APLP2: variants seen among roughly 807,000 people sequenced by gnomAD.
APLP2 encodes amyloid beta precursor like protein 2.
A neutral mutation model predicts 89.9 loss-of-function variants in APLP2; 53 were observed. The observed-to-expected ratio is 0.59, with a 90% confidence interval of 0.47 to 0.74. APLP2 has a LOEUF of 0.74. APLP2 is among the 30% of genes least tolerant of loss of function. APLP2 has a pLI of 0.00. For missense variants in APLP2, 973 were observed against 975.9 expected (o/e 1.00, Z 0.04); for synonymous variants, 372 against 348.6 (o/e 1.07, Z -0.75).
intron 10 of APLP2, among the ~76,000 whole-genome samples, 187 bp from the exon 11 acceptor site, chr11:130,129,851 A>G (rs1772728312): frequency 1.3e-5 from 2 of 152,210 alleles, no homozygotes; most frequent in Admixed American, 6.5e-5. Context: ...TTTGGAACTT[A>G]GTTTTGCTAT....
intron 1 of APLP2, among the ~76,000 whole-genome samples, chr11:130,097,990 T>C (rs1020225834): frequency 6.6e-6 from 1 of 152,236 alleles, no homozygotes; most frequent in African/African-American, 2.4e-5. Context: ...TAGACCTTTC[T>C]TAGGTTTCTC....
intron 3 of APLP2, among the ~76,000 whole-genome samples, chr11:130,112,009 G>A (rs917683267): frequency 1.2e-4 from 18 of 152,090 alleles, no homozygotes; most frequent in African/African-American, 3.9e-4. Context: ...ATCTGAGTGG[G>A]ACCTGGGAGA....
At chr11:130,096,721 A>G (rs927303360) in intron 1 of APLP2, among the ~76,000 whole-genome samples, 2 of 152,182 alleles carry the variant, frequency 1.3e-5, no homozygotes, top group Non-Finnish European at 2.9e-5. Context: ...CTGTCTCTAA[A>G]AAATACCAAA....
chr11:130,130,042 A>G lies in APLP2; in HGVS notation c.1460A>G (p.His487Arg). The change falls in exon 11 of 17, where the codon CAT becomes CGT. Residue 487 changes from histidine (H) to arginine (R), a missense_variant. Transcript: ENST00000338167. ...AACAACTGTTCTCTCTTGCAGCCTC[A>G]TCGCATTCTCCAGGCCTTACGGCGT... ...AALQSDPPRP[H>R]RILQALRRYV... The G allele has an allele frequency of 1.9e-6, 3 of 1,614,214 alleles. No homozygotes were observed. In the South Asian group the frequency reaches 3.3e-5, roughly 18 times the overall value.
At chr11:130,126,060 G>T (rs376165686) in intron 7 of APLP2, among the ~76,000 whole-genome samples, 1 of 152,172 alleles carries the variant, frequency 6.6e-6, no homozygotes, top group African/African-American at 2.4e-5. Context: ...TTGTCAAATA[G>T]AGCAACTCAG....
intron 1 of APLP2, among the ~76,000 whole-genome samples, chr11:130,080,157 C>A (rs1467304415): frequency 6.6e-6 from 1 of 152,116 alleles, no homozygotes; most frequent in Non-Finnish European, 1.5e-5. Context: ...TTGTCAAGTT[C>A]TGATTTCAAA....
At chr11:130,121,547 G>T in intron 4 of APLP2, 67 bp from the exon 5 acceptor site, 1 of 1,487,466 alleles carries the variant, frequency 6.7e-7, no homozygotes, top group East Asian at 2.4e-5. Flanking sequence ...GGAGGGTAGA[G>T]ATCGGAGTGT....
chr11:130,093,049 T>C (rs1294555225), intron 1 of APLP2, among the ~76,000 whole-genome samples: 2 of 152,088 alleles, frequency 1.3e-5, no homozygotes, highest in African/African-American at 4.8e-5. Flanking sequence ...CCTGGCAGTC[T>C]AGGAAAAGAC....
intron 1 of APLP2, among the ~76,000 whole-genome samples, chr11:130,085,203 A>C (rs1277817690): frequency 6.6e-6 from 1 of 152,196 alleles, no homozygotes; most frequent in Non-Finnish European, 1.5e-5. Context: ...TAATCCCAGC[A>C]CTTTGGGAGG....
chr11:130,078,104 T>G (rs747539530), intron 1 of APLP2, among the ~76,000 whole-genome samples: 1 of 152,202 alleles, frequency 6.6e-6, no homozygotes, highest in Non-Finnish European at 1.5e-5. Context: ...ACTTTTTGTA[T>G]TTCCTTATAG....
chr11:130,080,981 G>A (rs1213413229), intron 1 of APLP2, among the ~76,000 whole-genome samples: 2 of 151,732 alleles, frequency 1.3e-5, no homozygotes, highest in East Asian at 1.9e-4. Context: ...GAGCCACCAC[G>A]TCCGGTCGTT....
chr11:130,128,972 C>G, intron 9 of APLP2, 76 bp from the exon 10 acceptor site: 1 of 1,518,554 alleles, frequency 6.6e-7, no homozygotes, highest in African/African-American at 1.4e-5. Context: ...AGGAGAAGCA[C>G]TGGGGTCTCA....
At chr11:130,082,226 C>T (rs191548284) in intron 1 of APLP2, among the ~76,000 whole-genome samples, 230 of 152,104 alleles carry the variant, frequency 1.5e-3, no homozygotes, top group African/African-American at 5.0e-3. Flanking sequence ...TCTTGTCGCC[C>T]AGGCTGGAGT....
intron 11 of APLP2, among the ~76,000 whole-genome samples, chr11:130,133,327 T>C (rs955861138): frequency 1.3e-5 from 2 of 152,154 alleles, no homozygotes; most frequent in Non-Finnish European, 2.9e-5. Context: ...TTCATCATGT[T>C]GACCAGGCTG....
Position 130,143,370 on chromosome 11 carries a change from A to G in APLP2, c.2178A>G (p.Glu726=), listed in dbSNP as rs775972217. 1.2e-6 allele frequency: 2 copies of G among 1,614,120 alleles called. No individual in the cohort carries two copies. Among genetic ancestry groups the G allele is most frequent in the East Asian group, 2.2e-5 (1 of 44,884 alleles). Residue 726 remains glutamate, a synonymous_variant, in exon 17 of 17, where the codon GAA becomes GAG. Transcript: ENST00000338167. ...IVEVDPMLTP[E]ERHLNKMQNH... is the part of the protein sequence containing the mutation. ...AGGTTGATCCAATGCTCACCCCAGA[A>G]GAGCGTCACCTGAACAAGATGCAGA...
chr11:130,122,484 C>G lies in APLP2; in HGVS notation c.893C>G (p.Ser298Ter). The change falls in exon 6 of 17, where the codon TCA becomes TGA. Residue 298 changes from serine to a stop codon, truncating the protein, a stop_gained. Coordinates refer to ENST00000338167, the MANE Select transcript of APLP2 (RefSeq NM_001142276.2). LOFTEE classifies it high-confidence loss of function. ...GAACCCGGCAGCGACGGCACCATGT[C>G]AGACAAGGAAATTACTCATGATGTC... The part of the protein sequence containing the change: ...PTEPGSDGTM[S>*]DKEITHDVKA... 6.2e-7 allele frequency: 1 copy of G among 1,614,076 alleles called. No individual in the cohort carries two copies. Among genetic ancestry groups the G allele is most frequent in the Non-Finnish European group, 8.5e-7 (1 of 1,179,956 alleles).
In APLP2 at chr11:130,069,952, C is replaced by G. The variant is rs1425703741; in HGVS notation, c.-26C>G. On this transcript the variant is annotated 5_prime_UTR_variant, in exon 1 of 17. Transcript: ENST00000338167. ...AGTCCGAGTGTGTGAGCTTGAGAGC[C>G]GCGCGCTAGAGCGACCCGGCGAGGG... 6.7e-7 allele frequency: 1 copy of G among 1,486,862 alleles called. No individual in the cohort carries two copies. Among genetic ancestry groups the G allele is most frequent in the South Asian group, 1.2e-5 (1 of 81,562 alleles). 92.1% of individuals were successfully genotyped at this position (1,486,862 alleles called of 1,614,324 possible).
At chr11:130,137,993 A>G (rs1951833182) in intron 13 of APLP2, among the ~76,000 whole-genome samples, 1 of 152,214 alleles carries the variant, frequency 6.6e-6, no homozygotes, top group Non-Finnish European at 1.5e-5. Flanking sequence ...CAATTGAAGA[A>G]GTTTCTGAGA....
chr11:130,070,113 C>A, intron 1 of APLP2, 31 bp downstream of exon 1: 1 of 1,310,836 alleles, frequency 7.6e-7, no homozygotes, highest in Non-Finnish European at 9.8e-7. Context: ...GGAGAGTCGT[C>A]TCCTTCGCCC....
Sources: allele counts gnomAD v4.1 joint callset (sites outside exome capture counted in the v4.1 genomes callset), GRCh38; gene constraint gnomAD v4.1.1; transcripts MANE v1.5; gene names NCBI Gene and HGNC (gene_info 2026-07-23, HGNC 2026-07-21).